The following ITGB2 variants were observed in gnomAD, a reference collection of about 807,000 sequenced individuals.
ITGB2 encodes the protein integrin subunit beta 2.
A neutral mutation model predicts 86.8 loss-of-function variants in ITGB2; 56 were observed. The ratio of observed to expected loss-of-function variants is 0.65; its 90% CI spans 0.52 to 0.81. ITGB2 has a LOEUF of 0.81. Ranked by LOEUF, ITGB2 falls within the 30% of genes least tolerant of loss-of-function variation. The pLI, the probability that ITGB2 is intolerant of heterozygous loss-of-function variation, is 0.00. For synonymous variants in ITGB2, 457 were observed against 450.4 expected (o/e 1.01, Z -0.19); for missense variants, 948 against 1,061.2 (o/e 0.89, Z 1.48).
upstream of ITGB2, among the ~76,000 whole-genome samples, chr21:44,922,662 A>G (rs200346197): frequency 0.33 from 41,945 of 127,098 alleles, 5,719 homozygotes; most frequent in African/African-American, 0.5. Context: ...AACTGAGAAA[A>G]AAAAAAAAAA....
intron 4 of ITGB2, among the ~76,000 whole-genome samples, chr21:44,905,293 G>A (rs980476274): frequency 4.6e-5 from 7 of 152,036 alleles, no homozygotes; most frequent in Admixed American, 4.6e-4. Context: ...TCTCTCCCTG[G>A]TGCTCACCCG....
At chr21:44,918,242 C>T (rs1049890175) in intron 1 of ITGB2, among the ~76,000 whole-genome samples, 1 of 152,248 alleles carries the variant, frequency 6.6e-6, no homozygotes, top group Non-Finnish European at 1.5e-5. Flanking sequence ...CCTCCGGTGA[C>T]ATGGCCTCAG....
chr21:44,903,917 TAGAC>T (rs1601311262), intron 4 of ITGB2, among the ~76,000 whole-genome samples: 1 of 152,258 alleles, frequency 6.6e-6, no homozygotes, highest in Admixed American at 6.5e-5. Flanking sequence ...AGCAGCCACA[TAGAC>T]AGGCATCACA....
chr21:44,910,737 A>G lies in ITGB2; in HGVS notation c.46T>C (p.Ser16Pro). 1 of 1,614,012 alleles carries G rather than the reference A, an allele frequency of 6.2e-7. No homozygotes were observed. The highest frequency in any genetic ancestry group is 8.5e-7 in the Non-Finnish European group (1 of 1,179,960). Residue 16 changes from serine (S) to proline (P), a missense_variant, in exon 2 of 16, where the codon TCC becomes CCC. By Grantham distance (74) the Ser-to-Pro change is moderately conservative (BLOSUM62 -1). Transcript: ENST00000652462. Reference protein sequence around the residue: ...PPLLALVGLLSLGCVLSQECT... With the variant: ...PPLLALVGLLPLGCVLSQECT... ...ACACAGAACTCACCGCACCCGAGGG[A>G]GAGCAGCCCCACCAGGGCGAGCAGT...
At chr21:44,910,205 G>A (rs1486179825) in intron 3 of ITGB2, 79 bp downstream of exon 3, 1 of 1,547,804 alleles carries the variant, frequency 6.5e-7, no homozygotes, top group Non-Finnish European at 8.8e-7. Context: ...TGGTCCTCTG[G>A]GTGCCACTGG....
At chr21:44,919,029 A>G (rs145192238) in intron 1 of ITGB2, among the ~76,000 whole-genome samples, 78,895 of 145,362 alleles carry the variant, frequency 0.54, 23,755 homozygotes, top group African/African-American at 0.83. Context: ...AGGCACCTGC[A>G]GTTGCTCAGC....
At chr21:44,906,822 C>A (rs1388680922) in intron 4 of ITGB2, 93 bp downstream of exon 4, 6 of 1,373,582 alleles carry the variant, frequency 4.4e-6, no homozygotes, top group Non-Finnish European at 6.2e-6. Context: ...GCCTTCTGGG[C>A]AGCCCTGACA....
intron 1 of ITGB2, chr21:44,911,256 AC>A (rs1194178743): frequency 3.9e-6 from 1 of 254,190 alleles, no homozygotes; most frequent in Non-Finnish European, 7.9e-6. Context: ...TACACACCAC[AC>A]ACAAATATAC....
At chr21:44,913,995 C>A (rs1431232654) in intron 1 of ITGB2, among the ~76,000 whole-genome samples, 1 of 152,112 alleles carries the variant, frequency 6.6e-6, no homozygotes, top group Non-Finnish European at 1.5e-5. Context: ...CAGACACCCC[C>A]CACCCCAGCC....
chr21:44,893,621 C>T (rs1171176575), intron 9 of ITGB2, 77 bp from the exon 10 acceptor site: 2 of 1,574,484 alleles, frequency 1.3e-6, no homozygotes, highest in East Asian at 2.3e-5. Context: ...CGGTTTAGAC[C>T]CGTCTCCACT....
At chr21:44,927,265 A>C (rs2084384383) in intron 1 of ITGB2, among the ~76,000 whole-genome samples, 1 of 152,126 alleles carries the variant, frequency 6.6e-6, no homozygotes, top group Non-Finnish European at 1.5e-5. Flanking sequence ...GGGTGGTTCC[A>C]GGCTCACTTC....
chr21:44,928,378 T>C (rs1357840897), intron 1 of ITGB2: 1 of 152,246 alleles, frequency 6.6e-6, no homozygotes, highest in East Asian at 1.9e-4. Context: ...AAGAAGAAAC[T>C]GTAATTCCAG....
At chr21:44,922,146 T>A (rs2146571298), upstream of ITGB2, among the ~76,000 whole-genome samples, 1 of 152,312 alleles carries the variant, frequency 6.6e-6, no homozygotes, top group African/African-American at 2.4e-5. Context: ...CATAACCTGT[T>A]GATTTAAAAA....
chr21:44,896,375 C>T (rs886346060), intron 8 of ITGB2, among the ~76,000 whole-genome samples: 5 of 152,230 alleles, frequency 3.3e-5, no homozygotes, highest in Non-Finnish European at 7.3e-5. Context: ...CCGGTGACAT[C>T]GGTTCTGGCC....
At chr21:44,917,288 G>A (rs761300660) in intron 1 of ITGB2, among the ~76,000 whole-genome samples, 13 of 152,134 alleles carry the variant, frequency 8.5e-5, no homozygotes, top group South Asian at 2.1e-4. Flanking sequence ...GCTTGGCTTC[G>A]TGGTAAAAGT....
rs527739719 is a variant in ITGB2, at chr21:44,886,115, G to C, written c.*253C>G. On this transcript the variant is annotated 3_prime_UTR_variant, in exon 16 of 16. Coordinates refer to ENST00000652462, the MANE Select transcript of ITGB2 (RefSeq NM_000211.5). ...ATGTCCTGACTTGCACAGGAAACAC[G>C]CACCTAACCTCACCAACCTCAAGCC... is the stretch of plus-strand genomic sequence containing the variant. 2 of 564,984 alleles carry C rather than the reference G, an allele frequency of 3.5e-6. No homozygotes were observed. The highest frequency in any genetic ancestry group is 6.0e-5 in the East Asian group (2 of 33,136). The allele number at this position is 564,984 out of a possible 1,614,324, so 35.0% of individuals were successfully genotyped here.
intron 11 of ITGB2, among the ~76,000 whole-genome samples, chr21:44,891,538 G>A (rs2146503611): frequency 6.6e-6 from 1 of 152,364 alleles, no homozygotes; most frequent in Admixed American, 6.5e-5. Flanking sequence ...CTGCCCACAA[G>A]TCCCCTGCCT....
At chr21:44,923,923 A>G (rs1167833032), upstream of ITGB2, among the ~76,000 whole-genome samples, 1 of 152,224 alleles carries the variant, frequency 6.6e-6, no homozygotes, top group African/African-American at 2.4e-5. Flanking sequence ...TAACGAAGAT[A>G]TCGTGTAACA....
intron 1 of ITGB2, among the ~76,000 whole-genome samples, chr21:44,918,652 C>T (rs1479093991): frequency 6.6e-6 from 1 of 152,220 alleles, no homozygotes; most frequent in Non-Finnish European, 1.5e-5. Flanking sequence ...TTCATGGGCA[C>T]CTCGCTGTCT....
Sources: gnomAD v4.1 joint callset for allele counts (sites outside exome capture counted in the v4.1 genomes callset) on GRCh38, gnomAD v4.1.1 for gene constraint, MANE v1.5 for transcripts, NCBI Gene and HGNC (gene_info 2026-07-23, HGNC 2026-07-21) for gene names.